Variants in UHRF2 observed in about 807,000 individuals in gnomAD.
The protein encoded by UHRF2 is E3 ubiquitin-protein ligase UHRF2.
UHRF2 carries 23 observed loss-of-function variants against 96.8 expected under a neutral mutation model. The observed-to-expected ratio is 0.24, with a 90% CI of 0.17 to 0.34. UHRF2 has a LOEUF of 0.34. UHRF2 is among the 10% of genes least tolerant of loss of function. The pLI is 1.00. For synonymous variants in UHRF2, 385 were observed against 332.6 expected (o/e 1.16, Z -1.72); for missense variants, 685 against 981.5 (o/e 0.70, Z 4.04).
At chr9:6,464,827 T>C (rs887197897) in intron 4 of UHRF2, among the ~76,000 whole-genome samples, 7 of 152,204 alleles carry the variant, frequency 4.6e-5, no homozygotes, top group African/African-American at 1.4e-4. Flanking sequence ...TGATCCTGCC[T>C]TGTTCTTCAA....
intron 15 of UHRF2, among the ~76,000 whole-genome samples, chr9:6,505,234 G>A (rs1816520111): frequency 6.6e-6 from 1 of 152,028 alleles, no homozygotes. Context: ...CTGATCTTGA[G>A]TTAACTGTAT....
At chr9:6,481,916 G>C in intron 7 of UHRF2, 76 bp from the exon 8 acceptor site, 1 of 1,562,840 alleles carries the variant, frequency 6.4e-7, no homozygotes, top group African/African-American at 1.4e-5. Flanking sequence ...TGGGTTCCTA[G>C]TCACATCTCA....
intron 9 of UHRF2, among the ~76,000 whole-genome samples, chr9:6,488,171 A>C (rs2130932129): frequency 6.9e-6 from 1 of 144,848 alleles, no homozygotes; most frequent in South Asian, 2.3e-4. Flanking sequence ...TGAGCTCAGG[A>C]GGTCGAGGCT....
In UHRF2 at chr9:6,437,809, G is replaced by A. The variant is rs376307010; in HGVS notation, c.644+3636G>A. Among the ~76,000 whole-genome samples the A allele has an allele frequency of 1.7e-4, 26 of 152,010 alleles. 1 individual carries two copies. In the East Asian group the frequency reaches 4.9e-3, roughly 28 times the overall value. On this transcript the variant is annotated intron_variant, in intron 3 of 15. Coordinates refer to ENST00000276893, the MANE Select transcript of UHRF2 (RefSeq NM_152896.3). ...ATGTTTGTATTTTTAGTTGAGACTGGGTTTCACCACGTTGGCCAAGGTGGT... is the reference window on the plus strand; with the variant it reads ...ATGTTTGTATTTTTAGTTGAGACTGAGTTTCACCACGTTGGCCAAGGTGGT...
In UHRF2 at chr9:6,476,564, C is replaced by T. The variant is rs935297840; in HGVS notation, c.974-1058C>T. On this transcript the variant is annotated intron_variant, in intron 5 of 15. Coordinates refer to ENST00000276893, the MANE Select transcript of UHRF2 (RefSeq NM_152896.3). ...ACAGAGACAGGATTAGATTCTAGGT[C>T]TTTTAATTCATGATGGGGCTTTTTT... 2.6e-5 allele frequency among the ~76,000 whole-genome samples: 4 copies of T among 152,042 alleles called. No homozygotes were observed. The East Asian group carries it at 5.8e-4, about 22-fold the overall frequency.
chr9:6,416,920 A>C lies in UHRF2; in HGVS notation c.153+3277A>C, dbSNP rs567223935. Among the ~76,000 whole-genome samples, 4 of 152,330 alleles carry C rather than the reference A, an allele frequency of 2.6e-5. No individual in the cohort carries two copies. The East Asian group carries it at 5.8e-4, about 22-fold the overall frequency. ...ACCACTATAGAGGTGGTCTTAAAAT[A>C]GATAACAATGTGGGGCATGAACTAT... is the stretch of plus-strand genomic sequence containing the variant. On this transcript the variant is annotated intron_variant, in intron 1 of 15. Transcript: ENST00000276893.
chr9:6,484,395 C>T (rs967217426), intron 8 of UHRF2, among the ~76,000 whole-genome samples: 1 of 149,568 alleles, frequency 6.7e-6, no homozygotes, highest in Admixed American at 6.6e-5. Flanking sequence ...AGCAGCTTCT[C>T]CTCCTCCTCC....
At position 6,423,005 on chromosome 9, in the gene UHRF2, TTC is replaced by T. The variant is rs1362165588; in HGVS notation, c.384+1864_384+1865del. 8.5e-5 allele frequency: 18 copies of T among 211,306 alleles called. No individual in the cohort carries two copies. The Admixed American group carries it at 1.1e-3, about 12-fold the overall frequency. 13.1% of individuals were successfully genotyped at this position (211,306 alleles called of 1,614,324 possible). A position where few individuals can be genotyped will look rare whatever the true frequency, so the allele number is the denominator to read the frequency against. On this transcript the variant is annotated intron_variant, in intron 2 of 15. Transcript: ENST00000276893. ...TCGAATGGCAGTTTTGCTTTATCCT[TTC>T]CTATCTTTGTAACTTCCTAATTCTT...
chr9:6,467,909 GTTTA>G (rs1216906146), intron 4 of UHRF2, among the ~76,000 whole-genome samples: 1 of 152,020 alleles, frequency 6.6e-6, no homozygotes, highest in Admixed American at 6.6e-5. Flanking sequence ...GCAAGGTGTG[GTTTA>G]TTTCTCATTT....
chr9:6,446,558 A>G (rs1040234451), intron 3 of UHRF2, among the ~76,000 whole-genome samples: 4 of 151,932 alleles, frequency 2.6e-5, no homozygotes, highest in African/African-American at 4.8e-5. Flanking sequence ...ACTCTTAAAT[A>G]ATACTTAGAT....
chr9:6,419,604 C>T (rs199824870), intron 1 of UHRF2, among the ~76,000 whole-genome samples: 24 of 152,078 alleles, frequency 1.6e-4, no homozygotes, highest in Non-Finnish European at 3.2e-4. Flanking sequence ...GGTCATAAAA[C>T]AACTTTGAAA....
chr9:6,451,475 T>G (rs112310586), intron 3 of UHRF2, among the ~76,000 whole-genome samples: 3,341 of 146,386 alleles, frequency 0.023, 126 homozygotes, highest in African/African-American at 0.077. Flanking sequence ...TGTTTTTTTT[T>G]TTTGTTTGTT....
chr9:6,424,454 A>G (rs1244484987), intron 2 of UHRF2, among the ~76,000 whole-genome samples: 1 of 152,226 alleles, frequency 6.6e-6, no homozygotes, highest in Non-Finnish European at 1.5e-5. Context: ...CACCTTTTAA[A>G]TACCAATACT....
At chr9:6,502,968 T>G (rs1231009709) in intron 14 of UHRF2, among the ~76,000 whole-genome samples, 2 of 152,198 alleles carry the variant, frequency 1.3e-5, no homozygotes, top group Non-Finnish European at 2.9e-5. Context: ...ATTCAATTTT[T>G]AAATTTGAAA....
intron 4 of UHRF2, among the ~76,000 whole-genome samples, chr9:6,464,892 C>A (rs773065319): frequency 1.3e-5 from 2 of 152,078 alleles, no homozygotes; most frequent in African/African-American, 4.8e-5. Context: ...TTGCAGTCAT[C>A]TTTTCTCTTT....
Position 6,497,255 on chromosome 9 carries a change from G to T in UHRF2, c.1662G>T (p.Arg554=), listed in dbSNP as rs932791540. 1 of 1,613,886 alleles carries T rather than the reference G, an allele frequency of 6.2e-7. No individual in the cohort carries two copies. Among genetic ancestry groups the T allele is most frequent in the Non-Finnish European group, 8.5e-7 (1 of 1,179,946 alleles). The change falls in exon 11 of 16, where the codon CGG becomes CGT. Residue 554 remains arginine, a synonymous_variant. Transcript: ENST00000276893. ...PLDDKIGAES[R]NWRAGKPVRV... ...ATGATAAAATTGGAGCAGAGTCTCG[G>T]AATTGGAGAGCTGGTAAGCCAGTCA...
At chr9:6,435,438 T>A (rs1371498531) in intron 3 of UHRF2, among the ~76,000 whole-genome samples, 4 of 152,224 alleles carry the variant, frequency 2.6e-5, no homozygotes, top group Admixed American at 6.5e-5. Flanking sequence ...AAATTTTTTT[T>A]AAACAGCTTT....
At chr9:6,450,448 G>A (rs768131128) in intron 3 of UHRF2, among the ~76,000 whole-genome samples, 1 of 152,042 alleles carries the variant, frequency 6.6e-6, no homozygotes, top group Non-Finnish European at 1.5e-5. Context: ...AATAATTAAA[G>A]TTTAATTTGA....
intron 3 of UHRF2, among the ~76,000 whole-genome samples, chr9:6,455,473 C>T (rs1822123406): frequency 6.6e-6 from 1 of 152,124 alleles, no homozygotes; most frequent in African/African-American, 2.4e-5. Flanking sequence ...TGCACTTATC[C>T]TTTTTTATGG....
Sources: gnomAD v4.1 joint callset for allele counts (sites outside exome capture counted in the v4.1 genomes callset) on GRCh38, gnomAD v4.1.1 for gene constraint, MANE v1.5 for transcripts, NCBI Gene and HGNC (gene_info 2026-07-23, HGNC 2026-07-21) for gene names.